CHAT: variants seen among roughly 807,000 people sequenced by gnomAD.
CHAT encodes the protein acetyl CoA:choline O-acetyltransferase.
Under a neutral mutation model 76.9 loss-of-function variants are expected in CHAT, and 61 were observed. The ratio of observed to expected loss-of-function variants is 0.79; its 90% CI spans 0.65 to 0.98. CHAT has a LOEUF of 0.98. Ranked by LOEUF, CHAT falls within the 50% of genes least tolerant of loss-of-function variation. The pLI is 0.00. For missense variants in CHAT, 946 were observed against 986.9 expected, an observed-to-expected ratio of 0.96 and a Z score of 0.56; for synonymous variants, 407 against 397.4, an observed-to-expected ratio of 1.02 and a Z score of -0.29.
intron 10 of CHAT, among the ~76,000 whole-genome samples, chr10:49,651,087 G>T (rs570143344): frequency 6.6e-6 from 1 of 152,110 alleles, no homozygotes; most frequent in Non-Finnish European, 1.5e-5. Flanking sequence ...GTCCTGAGGG[G>T]CCCATACAAG....
chr10:49,659,097 T>TA (rs1271305345), intron 13 of CHAT, among the ~76,000 whole-genome samples: 4 of 152,204 alleles, frequency 2.6e-5, no homozygotes, highest in Non-Finnish European at 5.9e-5. Flanking sequence ...TATCAGAGGA[T>TA]AAAAAAATCA....
intron 7 of CHAT, among the ~76,000 whole-genome samples, chr10:49,636,691 C>A (rs1364572237): frequency 6.6e-6 from 1 of 152,082 alleles, no homozygotes; most frequent in Non-Finnish European, 1.5e-5. Flanking sequence ...TAATTCAATA[C>A]CCTTAACTCA....
chr10:49,640,338 A>G (rs976421574), intron 7 of CHAT, among the ~76,000 whole-genome samples: 1 of 152,148 alleles, frequency 6.6e-6, no homozygotes, highest in Non-Finnish European at 1.5e-5. Context: ...ATATTGTGTT[A>G]TAAGACTTGG....
At chr10:49,612,189 T>C (rs765208277), upstream of CHAT, 2 of 1,609,522 alleles carry the variant, frequency 1.2e-6, no homozygotes, top group Non-Finnish European at 1.7e-6. Context: ...CCGAGCGCGA[T>C]GTGCTGCTTG....
rs1204022678 is a variant in CHAT, at chr10:49,667,389, C to T, written c.*2343C>T. On this transcript the variant is annotated 3_prime_UTR_variant, in exon 15 of 15. Coordinates refer to ENST00000337653, the MANE Select transcript of CHAT (RefSeq NM_020549.5). ...CAGACTCAAACTCATATTTGCTATTCTCCGAGCACATGGAAAGGTAACTCA... is the reference window on the plus strand; with the variant it reads ...CAGACTCAAACTCATATTTGCTATTTTCCGAGCACATGGAAAGGTAACTCA... 6.6e-6 allele frequency among the ~76,000 whole-genome samples: 1 copy of T among 152,214 alleles called. No individual in the cohort carries two copies. Among genetic ancestry groups the T allele is most frequent in the Non-Finnish European group, 1.5e-5 (1 of 68,046 alleles).
Position 49,620,534 on chromosome 10 carries a change from C to T in CHAT, c.619C>T (p.Arg207Cys), listed in dbSNP as rs760936252. 12 of 1,613,772 alleles carry T rather than the reference C, an allele frequency of 7.4e-6. No homozygotes were observed. The highest frequency in any genetic ancestry group is 3.3e-5 in the South Asian group (3 of 91,078). Residue 207 changes from arginine to cysteine, a missense_variant, in exon 4 of 15, where the codon CGC becomes TGC. Arg to Cys is a radical substitution (Grantham distance 180, BLOSUM62 -3). Transcript: ENST00000337653. Reference protein sequence around the residue: ...YWLNDMYLNNRLALPVNSSPA... With the variant: ...YWLNDMYLNNCLALPVNSSPA... ...GCTGAATGACATGTATCTCAACAAC[C>T]GCCTGGCCCTGCCTGTCAACTCCAG...
At chr10:49,651,612 C>T (rs1027535765) in intron 10 of CHAT, 3 of 457,230 alleles carry the variant, frequency 6.6e-6, no homozygotes, top group African/African-American at 3.9e-5. Context: ...ACAGCCAGGC[C>T]CACCTCCCCA....
chr10:49,639,507 T>C (rs191744302), intron 7 of CHAT, among the ~76,000 whole-genome samples: 18 of 151,242 alleles, frequency 1.2e-4, no homozygotes, highest in Admixed American at 8.6e-4. Context: ...CCTAGTTGCT[T>C]TTCTCCTATA....
At chr10:49,651,538 C>T (rs925490796) in intron 10 of CHAT, among the ~76,000 whole-genome samples, 2 of 152,202 alleles carry the variant, frequency 1.3e-5, no homozygotes, top group South Asian at 2.1e-4. Flanking sequence ...CCTGTTACTC[C>T]GACAGTGAAT....
intron 2 of CHAT, 23 bp from the exon 3 acceptor site, chr10:49,619,702 T>G (rs954044001): frequency 1.2e-6 from 2 of 1,604,764 alleles, no homozygotes; most frequent in Middle Eastern, 2.2e-4. Context: ...AGAGGCACAA[T>G]GCCTATGAAC....
chr10:49,617,130 A>G (rs563969520), intron 2 of CHAT, among the ~76,000 whole-genome samples: 31 of 152,166 alleles, frequency 2.0e-4, no homozygotes, highest in African/African-American at 6.5e-4. Context: ...AGGTGGTTGC[A>G]TGTGTTTCCC....
At chr10:49,634,610 T>C (rs147180738) in intron 7 of CHAT, among the ~76,000 whole-genome samples, 232 of 152,380 alleles carry the variant, frequency 1.5e-3, no homozygotes, top group African/African-American at 5.2e-3. Context: ...CTCCTCTCTT[T>C]ACCTTCTCCC....
At chr10:49,652,080 G>A (rs1839898035) in intron 11 of CHAT, 74 bp downstream of exon 11, 1 of 1,597,410 alleles carries the variant, frequency 6.3e-7, no homozygotes, top group Non-Finnish European at 8.6e-7. Context: ...GGGTCTAGAA[G>A]CATCCTGGAG....
rs1387846647 is a variant in CHAT, at chr10:49,662,772, C to A, written c.1967C>A (p.Ser656Tyr). The A allele has an allele frequency of 6.2e-7, 1 of 1,614,240 alleles. No homozygotes were observed. Residue 656 changes from serine (S) to tyrosine (Y), a missense_variant, in exon 14 of 15, where the codon TCC becomes TAC. Coordinates refer to ENST00000337653, the MANE Select transcript of CHAT (RefSeq NM_020549.5). ...CTGATGAGCAACCGGTTTGTCCTCT[C>A]CACTAGCCAGGTACGGCCCCGTGCA... is the stretch of plus-strand genomic sequence containing the variant. Reference protein sequence around the residue: ...TYLMSNRFVLSTSQVPTTTEM... With the variant: ...TYLMSNRFVLYTSQVPTTTEM...
upstream of CHAT, chr10:49,610,627 A>C: frequency 9.5e-7 from 1 of 1,057,270 alleles, no homozygotes; most frequent in Non-Finnish European, 1.3e-6. Flanking sequence ...GGCACAGGGG[A>C]GTCTGCTCGG....
At chr10:49,622,270 G>A (rs1590566727) in intron 5 of CHAT, 120 bp downstream of exon 5, 3 of 1,098,784 alleles carry the variant, frequency 2.7e-6, no homozygotes, top group African/African-American at 1.5e-5. Context: ...GCACAGAGCA[G>A]ATGTCCCTGC....
intron 13 of CHAT, among the ~76,000 whole-genome samples, chr10:49,661,898 T>C (rs761569294): frequency 6.6e-6 from 1 of 152,218 alleles, no homozygotes; most frequent in Non-Finnish European, 1.5e-5. Context: ...GCTTTCTCTA[T>C]ATTTCTATCC....
At chr10:49,646,460 C>A in intron 7 of CHAT, 45 bp from the exon 8 acceptor site, 8 of 1,611,096 alleles carry the variant, frequency 5.0e-6, no homozygotes, top group Non-Finnish European at 6.8e-6. Flanking sequence ...GGAAGACTGG[C>A]CTGGAGCGGG....
intron 7 of CHAT, among the ~76,000 whole-genome samples, chr10:49,642,193 A>G (rs1839504356): frequency 6.6e-6 from 1 of 152,168 alleles, no homozygotes; most frequent in Admixed American, 6.5e-5. Flanking sequence ...CACAAGACAA[A>G]TGGCTCCTGC....
Sources: gnomAD v4.1 joint callset for allele counts (sites outside exome capture counted in the v4.1 genomes callset) on GRCh38, gnomAD v4.1.1 for gene constraint, MANE v1.5 for transcripts, NCBI Gene and HGNC (gene_info 2026-07-23, HGNC 2026-07-21) for gene names.